The following FYB2 variants were observed in gnomAD, a reference collection of about 807,000 sequenced individuals.
The protein encoded by FYB2 is FYN binding protein 2.
Under a neutral mutation model 94.1 loss-of-function variants are expected in FYB2, and 103 were observed. The ratio of observed to expected loss-of-function variants is 1.09; its 90% confidence interval spans 0.93 to 1.29. FYB2 has a LOEUF of 1.29. FYB2 is among the 50% of genes most tolerant of loss of function. The pLI is 0.00. For missense variants in FYB2, 896 were observed against 841.5 expected, an observed-to-expected ratio of 1.06 and a Z score of -0.80; for synonymous variants, 293 against 287.9, an observed-to-expected ratio of 1.02 and a Z score of -0.18.
At chr1:56,781,646 A>T (rs990837328) in intron 4 of FYB2, among the ~76,000 whole-genome samples, 2 of 152,138 alleles carry the variant, frequency 1.3e-5, no homozygotes, top group African/African-American at 4.8e-5. Context: ...TTCCCATGAA[A>T]TTTATTATTT....
chr1:56,757,679 C>CTTCCTCT (rs1645370770), intron 6 of FYB2, among the ~76,000 whole-genome samples: 1 of 50,132 alleles, frequency 2.0e-5, no homozygotes, highest in African/African-American at 1.1e-4. Flanking sequence ...TTCCTCTTTC[C>CTTCCTCT]TTCCTTCCTT....
intron 11 of FYB2, among the ~76,000 whole-genome samples, chr1:56,742,856 T>C (rs1455924439): frequency 6.6e-6 from 1 of 152,098 alleles, no homozygotes; most frequent in Non-Finnish European, 1.5e-5. Context: ...AGGTTGTTTT[T>C]CCCTCTAAAC....
chr1:56,821,138 C>CGGG (rs1646986108), upstream of FYB2, among the ~76,000 whole-genome samples: 4 of 152,198 alleles, frequency 2.6e-5, no homozygotes, highest in Non-Finnish European at 5.9e-5. Context: ...AGGAAGCTCT[C>CGGG]GGGAGAACTT....
intron 9 of FYB2, among the ~76,000 whole-genome samples, chr1:56,750,736 C>A (rs192990585): frequency 1.8e-3 from 278 of 152,000 alleles, no homozygotes; most frequent in African/African-American, 6.5e-3. Flanking sequence ...CAGATTTGGT[C>A]CTCATAAAAG....
At chr1:56,778,613 G>T (rs2100881095) in intron 4 of FYB2, among the ~76,000 whole-genome samples, 1 of 152,120 alleles carries the variant, frequency 6.6e-6, no homozygotes, top group East Asian at 1.9e-4. Flanking sequence ...CTTAAACTCA[G>T]GGTTCTCATG....
chr1:56,735,429 G>A (rs1458857126), intron 15 of FYB2, among the ~76,000 whole-genome samples: 2 of 152,116 alleles, frequency 1.3e-5, no homozygotes, highest in Non-Finnish European at 2.9e-5. Context: ...TAGAAATAAA[G>A]AGTAGAACAG....
At chr1:56,734,092 T>C (rs953906244) in intron 15 of FYB2, among the ~76,000 whole-genome samples, 4 of 152,192 alleles carry the variant, frequency 2.6e-5, no homozygotes, top group Admixed American at 2.0e-4. Context: ...TGAATCTGGG[T>C]GCTCCTGTAT....
chr1:56,761,376 A>T (rs1002832719), intron 5 of FYB2, among the ~76,000 whole-genome samples: 27 of 152,198 alleles, frequency 1.8e-4, no homozygotes, highest in Admixed American at 8.5e-4. Context: ...AGACAAGTGA[A>T]GTAAATTGTC....
chr1:56,812,703 G>A (rs934885964), intron 1 of FYB2, among the ~76,000 whole-genome samples: 1 of 152,122 alleles, frequency 6.6e-6, no homozygotes, highest in African/African-American at 2.4e-5. Flanking sequence ...CATGGTCGCA[G>A]GATCATTTCT....
At chr1:56,791,003 G>T (rs1171458927) in intron 2 of FYB2, among the ~76,000 whole-genome samples, 1 of 152,156 alleles carries the variant, frequency 6.6e-6, no homozygotes, top group Admixed American at 6.5e-5. Context: ...TGGGCAGAGA[G>T]CTCGGGGAAG....
intron 17 of FYB2, chr1:56,721,000 A>G (rs759660919): frequency 6.6e-6 from 1 of 152,044 alleles, no homozygotes; most frequent in African/African-American, 2.4e-5. Flanking sequence ...GAGCTTATGT[A>G]TTCTTATATA....
chr1:56,770,621 A>T (rs960071817), intron 4 of FYB2, among the ~76,000 whole-genome samples: 1 of 152,188 alleles, frequency 6.6e-6, no homozygotes, highest in African/African-American at 2.4e-5. Context: ...AAAATCTATT[A>T]TTGTAATTAA....
At chr1:56,763,315 A>G (rs1256071717) in intron 5 of FYB2, among the ~76,000 whole-genome samples, 1 of 152,174 alleles carries the variant, frequency 6.6e-6, no homozygotes, top group African/African-American at 2.4e-5. Flanking sequence ...TTTGGGAAAG[A>G]TTGTATAAAA....
intron 7 of FYB2, among the ~76,000 whole-genome samples, chr1:56,755,048 T>C (rs755557481): frequency 6.6e-6 from 1 of 152,052 alleles, no homozygotes; most frequent in Non-Finnish European, 1.5e-5. Flanking sequence ...GATATTTGCT[T>C]CTCCAGAGCT....
intron 5 of FYB2, chr1:56,762,125 G>C (rs1645510175): frequency 6.6e-6 from 1 of 152,012 alleles, no homozygotes; most frequent in Non-Finnish European, 1.5e-5. Context: ...AGATAGTCTT[G>C]ATTATTATAC....
At chr1:56,759,328 T>G (rs1645432390) in intron 5 of FYB2, among the ~76,000 whole-genome samples, 1 of 152,126 alleles carries the variant, frequency 6.6e-6, no homozygotes, top group South Asian at 2.1e-4. Flanking sequence ...AAATGCATCC[T>G]TAGGTGATTT....
chr1:56,731,488 A>T (rs1315239278), intron 15 of FYB2, among the ~76,000 whole-genome samples: 9 of 152,090 alleles, frequency 5.9e-5, no homozygotes, highest in Admixed American at 5.9e-4. Flanking sequence ...CCAACTGGGA[A>T]CCATTCTAAT....
chr1:56,729,710 C>T (rs1644662639), intron 15 of FYB2, among the ~76,000 whole-genome samples: 1 of 152,078 alleles, frequency 6.6e-6, no homozygotes, highest in South Asian at 2.1e-4. Flanking sequence ...GAACATGTTA[C>T]TCATGTTCTG....
chr1:56,720,555 T>C (rs1441905065), intron 17 of FYB2: 1 of 353,200 alleles, frequency 2.8e-6, no homozygotes, highest in Non-Finnish European at 5.0e-6. Context: ...GGTATGATTA[T>C]ACTTTCAAAG....
Sources: gnomAD v4.1 joint callset for allele counts (sites outside exome capture counted in the v4.1 genomes callset) on GRCh38, gnomAD v4.1.1 for gene constraint, MANE v1.5 for transcripts, NCBI Gene and HGNC (gene_info 2026-07-23, HGNC 2026-07-21) for gene names.